The following ZFPL1 variants were observed in gnomAD, a reference collection of about 807,000 sequenced individuals.
ZFPL1 encodes the protein zinc finger protein like 1.
A neutral mutation model predicts 32.0 loss-of-function variants in ZFPL1; 28 were observed. That is an observed-to-expected ratio of 0.87 (90% confidence interval 0.65 to 1.20). The LOEUF (loss-of-function observed/expected upper bound fraction) is 1.20. ZFPL1 is among the 50% of genes most tolerant of loss of function. The pLI, the probability that ZFPL1 is intolerant of heterozygous loss-of-function variation, is 0.00. For missense variants in ZFPL1, 386 were observed against 424.8 expected (o/e 0.91, Z 0.80); for synonymous variants, 165 against 177.0 (o/e 0.93, Z 0.54).
intron 1 of ZFPL1, 132 bp downstream of exon 1, chr11:65,084,510 G>T: frequency 1.6e-6 from 1 of 613,426 alleles, no homozygotes; most frequent in Non-Finnish European, 2.8e-6. Flanking sequence ...TTGAGGGGTC[G>T]CCGGAGGCGG....
intron 3 of ZFPL1, chr11:65,085,561 A>T (rs1947669337): frequency 2.7e-6 from 1 of 371,740 alleles, no homozygotes; most frequent in Non-Finnish European, 5.1e-6. Flanking sequence ...TTGCTTTCAG[A>T]TATTCAGGAT....
Position 65,086,749 on chromosome 11 carries a change from G to GC in ZFPL1, c.442dup (p.Leu148ProfsTer5). On this transcript the variant is annotated frameshift_variant, in exon 5 of 8. Coordinates refer to ENST00000294258, the MANE Select transcript of ZFPL1 (RefSeq NM_006782.4). LOFTEE classifies it high-confidence loss of function. The stretch of plus-strand genomic sequence containing the variant: ...ATGAGGTGGTGAGCCCAGAGCCCGA[G>GC]CCCCTCAACACGTCTGACTTCTCTG... The GC allele has an allele frequency of 1.2e-6, 2 of 1,614,244 alleles. No individual in the cohort carries two copies. The highest frequency in any genetic ancestry group is 1.1e-5 in the South Asian group (1 of 91,090).
rs1213123931 is a variant in ZFPL1, at chr11:65,086,545, C to G, written c.345C>G (p.Ala115=). The part of the protein sequence containing the change: ...FPPTNLAGPV[A]SALREKLATV... ...CAACCAACCTGGCTGGCCCCGTGGC[C>G]TCCGCACTGAGAGAGAAGCTGGCCA... Residue 115 remains alanine (A), a synonymous_variant, in exon 4 of 8, where the codon GCC becomes GCG. Transcript: ENST00000294258. 6.2e-7 allele frequency: 1 copy of G among 1,614,166 alleles called. No individual in the cohort carries two copies. The highest frequency in any genetic ancestry group is 2.2e-5 in the East Asian group (1 of 44,888).
intron 3 of ZFPL1, 193 bp downstream of exon 3, chr11:65,085,419 T>A (rs1947667263): frequency 1.7e-6 from 1 of 604,810 alleles, no homozygotes; most frequent in South Asian, 1.9e-5. Flanking sequence ...CTCACTGTCT[T>A]TCCTAAAAAT....
At position 65,086,713 on chromosome 11, in the gene ZFPL1, C is replaced by T. The variant is rs114231983; in HGVS notation, c.409-7C>T. ...GGCAGCCTGGTGACCCAGATTCCTTCCTCCAGATCGATGAGGTGGTGAGCC... is the reference window on the plus strand; with the variant it reads ...GGCAGCCTGGTGACCCAGATTCCTTTCTCCAGATCGATGAGGTGGTGAGCC... On this transcript the variant is annotated splice_polypyrimidine_tract_variant and splice_region_variant and intron_variant, in intron 4 of 7. Transcript: ENST00000294258. The T allele has an allele frequency of 2.1e-3, 3,426 of 1,614,220 alleles. 71 individuals are homozygous for T. The African/African-American group carries it at 0.038, about 18-fold the overall frequency.
chr11:65,086,429 G>C lies in ZFPL1; in HGVS notation c.229G>C (p.Ala77Pro). ...TGGGCCCTAAGATCTCTTTCACTGGGCCTGCCTCAATGAACGTGCTGCCCA... is the reference window on the plus strand; with the variant it reads ...TGGGCCCTAAGATCTCTTTCACTGGCCCTGCCTCAATGAACGTGCTGCCCA... Reference protein sequence around the residue: ...RLVCYDLFHWACLNERAAQLP... With the variant: ...RLVCYDLFHWPCLNERAAQLP... Residue 77 changes from alanine to proline, a missense_variant, in exon 4 of 8, where the codon GCC (alanine) becomes CCC (proline). By Grantham distance (27) the Ala-to-Pro change is conservative. Transcript: ENST00000294258. 1 of 1,613,982 alleles carries C rather than the reference G, an allele frequency of 6.2e-7. No homozygotes were observed. Among genetic ancestry groups the C allele is most frequent in the Non-Finnish European group, 8.5e-7 (1 of 1,180,034 alleles).
At chr11:65,086,211 T>C (rs1565298323) in intron 3 of ZFPL1, 5 of 710,186 alleles carry the variant, frequency 7.0e-6, no homozygotes, top group Non-Finnish European at 1.2e-5. Flanking sequence ...CCCTGTGAGC[T>C]GGACAGCTTG....
At chr11:65,084,579 C>A (rs1947652003) in intron 1 of ZFPL1, 112 bp from the exon 2 acceptor site, 1 of 840,480 alleles carries the variant, frequency 1.2e-6, no homozygotes, top group Non-Finnish European at 1.9e-6. Context: ...AATCTGAGAT[C>A]GGGGCGAATA....
chr11:65,085,074 G>A (rs1429976724), intron 2 of ZFPL1, 41 bp from the exon 3 acceptor site: 2 of 1,584,128 alleles, frequency 1.3e-6, no homozygotes, highest in South Asian at 1.1e-5. Flanking sequence ...GATAGGCCGA[G>A]CAGCCCCAGC....
At chr11:65,087,137 G>A in intron 6 of ZFPL1, 63 bp downstream of exon 6, 5 of 1,577,986 alleles carry the variant, frequency 3.2e-6, no homozygotes, top group Non-Finnish European at 4.3e-6. Context: ...TTTGTATAGG[G>A]GGAGCTTGAG....
rs750879428 is a variant in ZFPL1, at chr11:65,086,469, C to T, written c.269C>T (p.Thr90Met). 124 of 1,613,922 alleles carry T rather than the reference C, an allele frequency of 7.7e-5. No homozygotes were observed. Among genetic ancestry groups the T allele is most frequent in the Non-Finnish European group, 9.7e-5 (115 of 1,180,048 alleles). ...NERAAQLPRN[T>M]APAGYQCPSC... ...CGTGCTGCCCAGCTACCCCGAAACA[C>T]GGCACCTGCCGGCTATCAGTGCCCC... The change falls in exon 4 of 8, where the codon ACG becomes ATG. Residue 90 changes from threonine to methionine, a missense_variant. Thr to Met is a moderately conservative substitution (Grantham distance 81). Transcript: ENST00000294258.
Position 65,088,238 on chromosome 11 carries a change from C to A in ZFPL1, c.*124C>A. The A allele has an allele frequency of 4.6e-6, 6 of 1,312,082 alleles. No homozygotes were observed. In the South Asian group the frequency reaches 7.7e-5, roughly 17 times the overall value. 81.3% of individuals were successfully genotyped at this position (1,312,082 alleles called of 1,614,324 possible). A position where few individuals can be genotyped will look rare whatever the true frequency, so the allele number is the denominator to read the frequency against. On this transcript the variant is annotated 3_prime_UTR_variant, in exon 8 of 8. Coordinates refer to ENST00000294258, the MANE Select transcript of ZFPL1 (RefSeq NM_006782.4). ...CCTCAAGCCTAAGACACTAAGACCCCAGACCCAAAGCCAAGTCCACCAGAG... is the reference window on the plus strand; with the variant it reads ...CCTCAAGCCTAAGACACTAAGACCCAAGACCCAAAGCCAAGTCCACCAGAG...
At chr11:65,085,959 T>C (rs1947674557) in intron 3 of ZFPL1, 1 of 241,336 alleles carries the variant, frequency 4.1e-6, no homozygotes, top group African/African-American at 2.3e-5. Context: ...TGAGGGCTCC[T>C]GTACCCATAG....
rs201616318 is a variant in ZFPL1, at chr11:65,087,091, T to A, written c.628+17T>A. The A allele has an allele frequency of 6.2e-7, 1 of 1,606,908 alleles. No individual in the cohort carries two copies. The highest frequency in any genetic ancestry group is 1.3e-5 in the African/African-American group (1 of 74,854). On this transcript the variant is annotated intron_variant, in intron 6 of 7. Transcript: ENST00000294258. ...TGACTCACGGTGAGCCTGGGAGTTA[T>A]CCAGGCCGCAGAAGGATAGGAAGAG...
chr11:65,086,710 C>G lies in ZFPL1; in HGVS notation c.409-10C>G, dbSNP rs1454862469. ...CTAGGCAGCCTGGTGACCCAGATTC[C>G]TTCCTCCAGATCGATGAGGTGGTGA... On this transcript the variant is annotated splice_polypyrimidine_tract_variant and intron_variant, in intron 4 of 7. Transcript: ENST00000294258. 6.2e-7 allele frequency: 1 copy of G among 1,614,242 alleles called. No individual in the cohort carries two copies. Among genetic ancestry groups the G allele is most frequent in the Admixed American group, 1.7e-5 (1 of 60,030 alleles).
chr11:65,086,357 A>G, intron 3 of ZFPL1, 58 bp from the exon 4 acceptor site: 1 of 1,605,344 alleles, frequency 6.2e-7, no homozygotes, highest in African/African-American at 1.3e-5. Context: ...TTGCTAGGCT[A>G]GGAGCCCTAA....
chr11:65,087,760 G>A, intron 7 of ZFPL1, 168 bp from the exon 8 acceptor site: 1 of 726,700 alleles, frequency 1.4e-6, no homozygotes, highest in Non-Finnish European at 2.2e-6. Flanking sequence ...GCCTCAGCTG[G>A]TTTGAGCTGC....
rs373924213 is a variant in ZFPL1 at position 65,088,048 on chromosome 11, C to T, written c.867C>T (p.Ala289=). 60 of 1,611,478 alleles carry T rather than the reference C, an allele frequency of 3.7e-5. No individual in the cohort carries two copies. In the African/African-American group the frequency reaches 6.0e-4, roughly 16 times the overall value. ...CCCTCATGTCTCGCCTAGGCCGGGCCGCAGCTGACAGCGATCCCAACCTGG... is the reference window on the plus strand; with the variant it reads ...CCCTCATGTCTCGCCTAGGCCGGGCTGCAGCTGACAGCGATCCCAACCTGG... The part of the protein sequence containing the change: ...LLALMSRLGR[A]AADSDPNLDP... Residue 289 remains alanine, a synonymous_variant, in exon 8 of 8, where the codon GCC becomes GCT. Coordinates refer to ENST00000294258, the MANE Select transcript of ZFPL1 (RefSeq NM_006782.4).
intron 1 of ZFPL1, 29 bp from the exon 2 acceptor site, chr11:65,084,662 C>T (rs1947652998): frequency 6.2e-7 from 1 of 1,606,434 alleles, no homozygotes; most frequent in African/African-American, 1.3e-5. Flanking sequence ...CAGAACCTGA[C>T]TTCCTACCAA....
Sources: allele counts gnomAD v4.1 joint callset, GRCh38; gene constraint gnomAD v4.1.1; transcripts MANE v1.5; gene names NCBI Gene and HGNC (gene_info 2026-07-23, HGNC 2026-07-21).